Variants in DNAH6 observed in about 807,000 individuals in gnomAD.
DNAH6 encodes dynein axonemal heavy chain 6.
Under a neutral mutation model 491.4 loss-of-function variants are expected in DNAH6, and 340 were observed. The observed-to-expected ratio is 0.69, with a 90% CI of 0.63 to 0.76. The LOEUF (loss-of-function observed/expected upper bound fraction) is 0.76, where lower values mean the gene tolerates loss of function less well. Ranked by LOEUF, DNAH6 falls within the 30% of genes least tolerant of loss-of-function variation. The pLI, the probability that DNAH6 is intolerant of heterozygous loss-of-function variation, is 0.00. For synonymous variants in DNAH6, 1,603 were observed against 1,686.1 expected (o/e 0.95, Z 1.21); for missense variants, 4,443 against 4,972.2 (o/e 0.89, Z 3.20).
In DNAH6 at chr2:84,705,884, A is replaced by C; in HGVS notation, c.8727+137A>C. The stretch of plus-strand genomic sequence containing the variant: ...ACTCTTGGAAATTAGCTTTTGTTTT[A>C]AACAAGAGCTGGCAATTTTTTTTCA... On this transcript the variant is annotated intron_variant, in intron 52 of 76. Coordinates refer to ENST00000389394, the MANE Select transcript of DNAH6 (RefSeq NM_001370.2). 4 of 1,139,744 alleles carry C rather than the reference A, an allele frequency of 3.5e-6. No homozygotes were observed. In the South Asian group the frequency reaches 8.0e-5, roughly 23 times the overall value. 70.6% of individuals were successfully genotyped at this position (1,139,744 alleles called of 1,614,324 possible). A position where few individuals can be genotyped will look rare whatever the true frequency, so the allele number is the denominator to read the frequency against.
chr2:84,589,699 G>A (rs746880361), intron 16 of DNAH6, among the ~76,000 whole-genome samples: 141 of 131,474 alleles, frequency 1.1e-3, no homozygotes, highest in Non-Finnish European at 2.0e-3. Context: ...GTGACAGAGT[G>A]AGACCCTGTC....
chr2:84,698,560 G>A (rs1295124757), intron 47 of DNAH6, among the ~76,000 whole-genome samples: 1 of 152,214 alleles, frequency 6.6e-6, no homozygotes, highest in Non-Finnish European at 1.5e-5. Flanking sequence ...GCCAGCTCCA[G>A]AGCCATGTGT....
chr2:84,565,725 T>C (rs909398388), intron 11 of DNAH6, among the ~76,000 whole-genome samples: 1 of 152,006 alleles, frequency 6.6e-6, no homozygotes, highest in African/African-American at 2.4e-5. Context: ...CTATGTCTTT[T>C]CGTAGGTCTA....
chr2:84,688,892 C>T lies in DNAH6; in HGVS notation c.7292+299C>T, dbSNP rs1012937311. ...GAGGTTGTTTACAGAGATACATGTA[C>T]GGTATAACAATGCTAGTTCCATGCA... On this transcript the variant is annotated intron_variant, in intron 45 of 76. Transcript: ENST00000389394. 1.4e-4 allele frequency among the ~76,000 whole-genome samples: 22 copies of T among 152,240 alleles called. No individual in the cohort carries two copies. In the East Asian group the frequency reaches 2.3e-3, roughly 16 times the overall value.
chr2:84,552,990 A>G lies in DNAH6; in HGVS notation c.1558A>G (p.Thr520Ala). ...IPMFLTELML[T>A]VQSLLFEPSL... is the part of the protein sequence containing the mutation. ...CATGTTTCTCACAGAACTAATGTTG[A>G]CAGTCCAGTCACTGCTCTTTGAGCC... is the stretch of plus-strand genomic sequence containing the variant. Residue 520 changes from threonine (T) to alanine (A), a missense_variant, in exon 10 of 77, where the codon ACA becomes GCA. By Grantham distance (58) the Thr-to-Ala change is moderately conservative. Coordinates refer to ENST00000389394, the MANE Select transcript of DNAH6 (RefSeq NM_001370.2). 6.2e-7 allele frequency: 1 copy of G among 1,611,632 alleles called. No individual in the cohort carries two copies. The highest frequency in any genetic ancestry group is 8.5e-7 in the Non-Finnish European group (1 of 1,178,968).
At chr2:84,653,236 C>A in intron 33 of DNAH6, 83 bp from the exon 34 acceptor site, 1 of 1,133,256 alleles carries the variant, frequency 8.8e-7, no homozygotes, top group Non-Finnish European at 1.2e-6. Flanking sequence ...CAATAAGACT[C>A]ATAATATTTC....
At chr2:84,766,326 A>G (rs568128452) in intron 64 of DNAH6, among the ~76,000 whole-genome samples, 18 of 152,352 alleles carry the variant, frequency 1.2e-4, no homozygotes, top group Admixed American at 2.6e-4. Flanking sequence ...CTAAAAGAAG[A>G]CAGATATTTT....
chr2:84,789,600 T>A (rs1177651193), intron 68 of DNAH6, among the ~76,000 whole-genome samples: 1 of 152,230 alleles, frequency 6.6e-6, no homozygotes, highest in Non-Finnish European at 1.5e-5. Context: ...CAACAGTTTT[T>A]TGGAATGCTA....
chr2:84,484,225 A>G, the DNAH6 span, among the ~76,000 whole-genome samples: 1 of 152,044 alleles, frequency 6.6e-6, no homozygotes, highest in Non-Finnish European at 1.5e-5. Context: ...AATCCAGGAA[A>G]CCCATCATCA....
At chr2:84,604,293 T>C in intron 18 of DNAH6, 46 bp from the exon 19 acceptor site, 1 of 1,449,430 alleles carries the variant, frequency 6.9e-7, no homozygotes, top group Non-Finnish European at 9.5e-7. Flanking sequence ...TGGGTTATAT[T>C]TTTAAGATAA....
In DNAH6 at chr2:84,772,749, A is replaced by G. The variant is rs116767316; in HGVS notation, c.10704-8744A>G. Among the ~76,000 whole-genome samples, 904 of 152,174 alleles carry G rather than the reference A, an allele frequency of 5.9e-3. 10 individuals are homozygous for G. The highest frequency in any genetic ancestry group is 0.02 in the African/African-American group (851 of 41,546). ...AGGGATAGAACAATTACGAAAAATA[A>G]ATAAGGTAATAGAAGACTTCAACAA... On this transcript the variant is annotated intron_variant, in intron 64 of 76. Coordinates refer to ENST00000389394, the MANE Select transcript of DNAH6 (RefSeq NM_001370.2).
At chr2:84,628,715 G>A (rs1405403442) in intron 29 of DNAH6, among the ~76,000 whole-genome samples, 4 of 152,064 alleles carry the variant, frequency 2.6e-5, no homozygotes, top group East Asian at 1.9e-4. Context: ...GAAGTAACTC[G>A]CCAGCAGTCA....
the DNAH6 span, among the ~76,000 whole-genome samples, chr2:84,482,843 CT>C: frequency 2.6e-5 from 4 of 152,198 alleles, no homozygotes; most frequent in African/African-American, 9.6e-5. Context: ...CCTTGGCTTA[CT>C]TTCCTGCCAG....
intron 64 of DNAH6, among the ~76,000 whole-genome samples, chr2:84,768,859 C>A (rs1412388456): frequency 1.3e-5 from 2 of 152,192 alleles, no homozygotes; most frequent in East Asian, 3.9e-4. Context: ...AATGCAAGGA[C>A]CAAGAATAAC....
chr2:84,640,516 G>C lies in DNAH6; in HGVS notation c.4908G>C (p.Leu1636=). 6.4e-7 allele frequency: 1 copy of C among 1,551,294 alleles called. No individual in the cohort carries two copies. ...TGTATAAGCTTTGCAGTGAGCAGCT[G>C]TCTCAGCAGGATCACTACGACTTTG... The part of the protein sequence containing the change: ...TQMYKLCSEQ[L]SQQDHYDFGM... Residue 1636 remains leucine, a synonymous_variant, in exon 32 of 77, where the codon CTG becomes CTC. Coordinates refer to ENST00000389394, the MANE Select transcript of DNAH6 (RefSeq NM_001370.2).
chr2:84,688,460 C>G lies in DNAH6; in HGVS notation c.7159C>G (p.Arg2387Gly). ...FIKFGADKAD[R>G]IYDDMPDIEK... ...ATAGTTTGGAGCAGATAAAGCTGAT[C>G]GGATTTATGATGACATGCCTGATAT... is the stretch of plus-strand genomic sequence containing the variant. Residue 2387 changes from arginine (R) to glycine (G), a missense_variant, in exon 45 of 77, where the codon CGG (arginine) becomes GGG (glycine). Arg to Gly is a moderately radical substitution (Grantham distance 125, BLOSUM62 -2). Coordinates refer to ENST00000389394, the MANE Select transcript of DNAH6 (RefSeq NM_001370.2). The G allele has an allele frequency of 6.5e-7, 1 of 1,530,408 alleles. No homozygotes were observed. Among genetic ancestry groups the G allele is most frequent in the Non-Finnish European group, 8.8e-7 (1 of 1,142,058 alleles). The allele number at this position is 1,530,408 out of a possible 1,614,324, so 94.8% of individuals were successfully genotyped here. A position where few individuals can be genotyped will look rare whatever the true frequency, so the allele number is the denominator to read the frequency against.
intron 33 of DNAH6, among the ~76,000 whole-genome samples, chr2:84,652,982 T>A (rs1479126514): frequency 6.6e-6 from 1 of 151,942 alleles, no homozygotes; most frequent in Non-Finnish European, 1.5e-5. Flanking sequence ...ATTTTTTTAA[T>A]AATTAAAAAT....
chr2:84,661,628 G>A (rs1691517022), intron 37 of DNAH6, among the ~76,000 whole-genome samples: 1 of 152,156 alleles, frequency 6.6e-6, no homozygotes, highest in Non-Finnish European at 1.5e-5. Context: ...ACAAAACATT[G>A]TTGAGAGAAA....
chr2:84,656,267 T>G (rs1228564727), intron 35 of DNAH6, among the ~76,000 whole-genome samples: 1 of 152,118 alleles, frequency 6.6e-6, no homozygotes, highest in Non-Finnish European at 1.5e-5. Context: ...AATGTGCAGG[T>G]TTTTGTGTGG....
Sources: gnomAD v4.1 joint callset for allele counts (sites outside exome capture counted in the v4.1 genomes callset) on GRCh38, gnomAD v4.1.1 for gene constraint, MANE v1.5 for transcripts, NCBI Gene and HGNC (gene_info 2026-07-23, HGNC 2026-07-21) for gene names.